The following MMRN1 variants were observed in gnomAD, a reference collection of about 807,000 sequenced individuals.
MMRN1 encodes the protein multimerin-1.
MMRN1 carries 94 observed loss-of-function variants against 100.7 expected under a neutral mutation model. The observed-to-expected ratio is 0.93, with a 90% CI of 0.79 to 1.11. The LOEUF is 1.11. Ranked by LOEUF, MMRN1 falls within the 50% of genes least tolerant of loss-of-function variation. MMRN1 has a pLI of 0.00. For missense variants in MMRN1, 1,606 were observed against 1,439.1 expected, an observed-to-expected ratio of 1.12 and a Z score of -1.88; for synonymous variants, 575 against 505.0, an observed-to-expected ratio of 1.14 and a Z score of -1.86.
intron 1 of MMRN1, among the ~76,000 whole-genome samples, chr4:89,896,257 A>G (rs1054011201): frequency 4.6e-5 from 7 of 152,200 alleles, no homozygotes; most frequent in African/African-American, 1.7e-4. Context: ...ATAGGTGCTC[A>G]ACAACTCAAA....
chr4:89,916,664 C>T (rs1721930616), intron 3 of MMRN1, among the ~76,000 whole-genome samples: 1 of 151,396 alleles, frequency 6.6e-6, no homozygotes, highest in African/African-American at 2.4e-5. Flanking sequence ...TATTTTTTAT[C>T]TTTTTCAATT....
rs1266658729 is a variant in MMRN1, at chr4:89,937,477, G to A, written c.3118+679G>A. On this transcript the variant is annotated intron_variant, in intron 6 of 7. Transcript: ENST00000264790. ...TCTAAGGCTGATGTGAGAAATGTTGGAAAGTTCCCATCAACAGAAACAGAG... is the reference window on the plus strand; with the variant it reads ...TCTAAGGCTGATGTGAGAAATGTTGAAAAGTTCCCATCAACAGAAACAGAG... Among the ~76,000 whole-genome samples, 3 of 152,042 alleles carry A rather than the reference G, an allele frequency of 2.0e-5. No individual in the cohort carries two copies. The East Asian group carries it at 5.8e-4, about 29-fold the overall frequency.
chr4:89,883,808 C>T (rs145289128), intron 1 of MMRN1, among the ~76,000 whole-genome samples: 5 of 152,046 alleles, frequency 3.3e-5, no homozygotes, highest in Non-Finnish European at 7.4e-5. Flanking sequence ...TCAAATAAAT[C>T]TTTCTCTATA....
At chr4:89,945,983 G>A (rs985228524) in intron 6 of MMRN1, among the ~76,000 whole-genome samples, 3 of 152,162 alleles carry the variant, frequency 2.0e-5, no homozygotes, top group Non-Finnish European at 2.9e-5. Context: ...TTAGTAATTA[G>A]AGCAATGCAT....
At chr4:89,892,417 A>C (rs1339635039), upstream of MMRN1, among the ~76,000 whole-genome samples, 1 of 151,696 alleles carries the variant, frequency 6.6e-6, no homozygotes, top group Non-Finnish European at 1.5e-5. Context: ...GAGTAAACTG[A>C]GTACTCTTCA....
At chr4:89,911,075 G>A (rs1366961213) in intron 2 of MMRN1, among the ~76,000 whole-genome samples, 1 of 151,268 alleles carries the variant, frequency 6.6e-6, no homozygotes, top group Non-Finnish European at 1.5e-5. Flanking sequence ...CAGGAAATGA[G>A]GATAATAATA....
intron 1 of MMRN1, among the ~76,000 whole-genome samples, chr4:89,884,994 T>TTAGCTA (rs1334398022): frequency 2.0e-5 from 3 of 152,156 alleles, no homozygotes; most frequent in African/African-American, 7.2e-5. Flanking sequence ...AATAAAGATG[T>TTAGCTA]TAGCTATAGA....
At position 89,930,038 on chromosome 4, in the gene MMRN1, C is replaced by G. The variant is rs188803867; in HGVS notation, c.1129+2070C>G. Reference sequence around the variant, plus strand: ...CTAAGGTATCTGATATCAAATATATCTGGTAAGTCACCAAATGTAATATGC... The same window carrying G: ...CTAAGGTATCTGATATCAAATATATGTGGTAAGTCACCAAATGTAATATGC... On this transcript the variant is annotated intron_variant, in intron 5 of 7. Transcript: ENST00000264790. Among the ~76,000 whole-genome samples, 323 of 152,232 alleles carry G rather than the reference C, an allele frequency of 2.1e-3. 5 individuals are homozygous for G. Among genetic ancestry groups the G allele is most frequent in the Middle Eastern group, 0.014 (4 of 294 alleles).
At chr4:89,891,082 T>C (rs981786183), upstream of MMRN1, among the ~76,000 whole-genome samples, 2 of 152,078 alleles carry the variant, frequency 1.3e-5, no homozygotes, top group Admixed American at 6.6e-5. Flanking sequence ...TTTATTATTC[T>C]AATGTGGCTG....
intron 6 of MMRN1, among the ~76,000 whole-genome samples, chr4:89,944,875 A>G (rs1722939410): frequency 6.6e-6 from 1 of 152,204 alleles, no homozygotes; most frequent in African/African-American, 2.4e-5. Context: ...GGTATAACTT[A>G]CATTTAGTTA....
At chr4:89,881,608 G>T (rs778858242) in intron 1 of MMRN1, among the ~76,000 whole-genome samples, 7 of 151,798 alleles carry the variant, frequency 4.6e-5, no homozygotes, top group African/African-American at 1.7e-4. Flanking sequence ...CATTAAAGCC[G>T]TTTTGTGTTT....
At chr4:89,903,957 T>A (rs889073752) in intron 1 of MMRN1, among the ~76,000 whole-genome samples, 1 of 150,378 alleles carries the variant, frequency 6.6e-6, no homozygotes, top group African/African-American at 2.4e-5. Context: ...CACACCTATG[T>A]GTGCAGTTAA....
chr4:89,896,502 C>T (rs1560579528), intron 1 of MMRN1, among the ~76,000 whole-genome samples: 1 of 151,938 alleles, frequency 6.6e-6, no homozygotes, highest in South Asian at 2.1e-4. Context: ...TCATTTAATG[C>T]TCAGAGTCAT....
intron 6 of MMRN1, among the ~76,000 whole-genome samples, chr4:89,939,668 C>T (rs1204937382): frequency 6.6e-6 from 1 of 152,158 alleles, no homozygotes; most frequent in African/African-American, 2.4e-5. Flanking sequence ...AGTCCTCAAC[C>T]ACATGCTCAA....
chr4:89,924,611 G>A (rs1222669281), intron 4 of MMRN1, among the ~76,000 whole-genome samples: 1 of 151,728 alleles, frequency 6.6e-6, no homozygotes, highest in Non-Finnish European at 1.5e-5. Context: ...TTGGGAGGCC[G>A]AGGCGGGTGG....
At chr4:89,937,176 T>C (rs751671811) in intron 6 of MMRN1, among the ~76,000 whole-genome samples, 2 of 152,128 alleles carry the variant, frequency 1.3e-5, no homozygotes. Flanking sequence ...ATATCTGATA[T>C]GCAATAGGAA....
At chr4:89,924,435 A>G (rs866215853) in intron 4 of MMRN1, among the ~76,000 whole-genome samples, 1 of 152,074 alleles carries the variant, frequency 6.6e-6, no homozygotes, top group Non-Finnish European at 1.5e-5. Flanking sequence ...GAATGAATAT[A>G]GTCTTGTATT....
chr4:89,951,786 C>A (rs761181673), intron 7 of MMRN1, 35 bp downstream of exon 7: 1 of 1,598,470 alleles, frequency 6.3e-7, no homozygotes, highest in East Asian at 2.3e-5. Context: ...TGGATTTGCT[C>A]ATTGTCATAA....
intron 3 of MMRN1, among the ~76,000 whole-genome samples, chr4:89,916,490 G>T (rs3775473): frequency 0.14 from 21,536 of 151,314 alleles, 2,234 homozygotes; most frequent in East Asian, 0.3. Context: ...TACTAAAAAA[G>T]TTAATCACAT....
Sources: gnomAD v4.1 joint callset for allele counts (sites outside exome capture counted in the v4.1 genomes callset) on GRCh38, gnomAD v4.1.1 for gene constraint, MANE v1.5 for transcripts, NCBI Gene and HGNC (gene_info 2026-07-23, HGNC 2026-07-21) for gene names.